Variants in ANO2 observed in about 807,000 individuals in gnomAD.
ANO2 encodes anoctamin-2.
Under a neutral mutation model 124.2 loss-of-function variants are expected in ANO2, and 101 were observed. The ratio of observed to expected loss-of-function variants is 0.81; its 90% CI spans 0.69 to 0.96. The LOEUF (loss-of-function observed/expected upper bound fraction) is 0.96. Ranked by LOEUF, ANO2 falls within the 40% of genes least tolerant of loss-of-function variation. The pLI is 0.00. For missense variants in ANO2, 1,293 were observed against 1,274.5 expected (o/e 1.01, Z -0.22); for synonymous variants, 486 against 482.5 (o/e 1.01, Z -0.09).
At chr12:5,794,197 T>A (rs1206680366) in intron 10 of ANO2, among the ~76,000 whole-genome samples, 1 of 152,182 alleles carries the variant, frequency 6.6e-6, no homozygotes, top group Non-Finnish European at 1.5e-5. Flanking sequence ...AACCCAACCA[T>A]CAAATGATAA....
At chr12:5,631,005 T>A (rs1296962681) in intron 16 of ANO2, among the ~76,000 whole-genome samples, 1 of 152,120 alleles carries the variant, frequency 6.6e-6, no homozygotes, top group Non-Finnish European at 1.5e-5. Context: ...GCAGCCCCCA[T>A]CAGTCTGGGT....
intron 1 of ANO2, among the ~76,000 whole-genome samples, chr12:5,923,064 A>C (rs1174816164): frequency 8.9e-6 from 1 of 112,118 alleles, no homozygotes; most frequent in African/African-American, 3.3e-5. Flanking sequence ...ACCCACATAC[A>C]CACACACATG....
chr12:5,907,287 TAA>T (rs1297089453), intron 3 of ANO2, among the ~76,000 whole-genome samples: 1 of 152,244 alleles, frequency 6.6e-6, no homozygotes, highest in African/African-American at 2.4e-5. Context: ...AAAATAAATT[TAA>T]GTTTCAAAAG....
intron 14 of ANO2, among the ~76,000 whole-genome samples, chr12:5,686,863 T>C (rs1216885982): frequency 8.5e-5 from 13 of 152,232 alleles, no homozygotes; most frequent in Admixed American, 8.5e-4. Context: ...ACCTTGTCAC[T>C]TAAGCCTCAA....
At chr12:5,627,540 C>T (rs765972189) in intron 16 of ANO2, among the ~76,000 whole-genome samples, 3 of 152,236 alleles carry the variant, frequency 2.0e-5, no homozygotes, top group African/African-American at 7.2e-5. Flanking sequence ...CCCCCCATCC[C>T]AGAGCACTGC....
At chr12:5,620,643 A>G (rs1027794946) in intron 16 of ANO2, among the ~76,000 whole-genome samples, 8 of 152,118 alleles carry the variant, frequency 5.3e-5, no homozygotes, top group Admixed American at 1.3e-4. Context: ...TTGGAATTCT[A>G]TAGGAGTTGA....
At chr12:5,733,965 T>G (rs1181123213) in intron 13 of ANO2, among the ~76,000 whole-genome samples, 2 of 152,266 alleles carry the variant, frequency 1.3e-5, no homozygotes, top group African/African-American at 4.8e-5. Context: ...CTCTGTATTA[T>G]TCTATGTTTT....
At chr12:5,914,668 G>T (rs537610376) in intron 3 of ANO2, among the ~76,000 whole-genome samples, 33 of 152,236 alleles carry the variant, frequency 2.2e-4, no homozygotes, top group Non-Finnish European at 3.7e-4. Flanking sequence ...TAGTAAGGGG[G>T]CACCTGGCCT....
At chr12:5,869,673 G>C (rs551660027) in intron 3 of ANO2, among the ~76,000 whole-genome samples, 1 of 152,074 alleles carries the variant, frequency 6.6e-6, no homozygotes, top group African/African-American at 2.4e-5. Flanking sequence ...CTGAGGGGCC[G>C]GGGGAAAGAA....
chr12:5,841,025 G>C (rs1301430884), intron 4 of ANO2, among the ~76,000 whole-genome samples: 1 of 152,162 alleles, frequency 6.6e-6, no homozygotes, highest in Non-Finnish European at 1.5e-5. Flanking sequence ...GCTGAAGAAG[G>C]GAGGAGCAAG....
intron 3 of ANO2, among the ~76,000 whole-genome samples, chr12:5,872,936 A>ACACATCTG (rs1417486885): frequency 6.6e-6 from 1 of 152,122 alleles, no homozygotes; most frequent in Admixed American, 6.6e-5. Context: ...GATGTGGGAA[A>ACACATCTG]CACTGCTCCC....
chr12:5,612,793 A>C, intron 18 of ANO2, 37 bp from the exon 19 acceptor site: 1 of 1,612,068 alleles, frequency 6.2e-7, no homozygotes, highest in Non-Finnish European at 8.5e-7. Context: ...CGGTTAGAAC[A>C]AAAGGGAGCT....
intron 15 of ANO2, among the ~76,000 whole-genome samples, chr12:5,643,156 C>G (rs896240073): frequency 6.6e-6 from 1 of 152,150 alleles, no homozygotes; most frequent in Non-Finnish European, 1.5e-5. Context: ...CCTTCTCCCC[C>G]GTACACATAC....
intron 10 of ANO2, among the ~76,000 whole-genome samples, chr12:5,753,176 A>T (rs1951488808): frequency 6.6e-6 from 1 of 152,194 alleles, no homozygotes; most frequent in Non-Finnish European, 1.5e-5. Flanking sequence ...AAGGGTTTCA[A>T]TATTCATCGG....
chr12:5,934,949 A>C (rs891025368), intron 1 of ANO2, among the ~76,000 whole-genome samples: 3 of 152,220 alleles, frequency 2.0e-5, no homozygotes, highest in African/African-American at 7.2e-5. Context: ...CAGCTCTTCC[A>C]ATCATAGCTC....
At chr12:5,844,853 G>GTTTGTTTGT (rs1954631055) in intron 4 of ANO2, among the ~76,000 whole-genome samples, 1 of 150,882 alleles carries the variant, frequency 6.6e-6, no homozygotes, top group Admixed American at 6.6e-5. Context: ...TTGTTTGTTT[G>GTTTGTTTGT]TTTGTTTGTT....
intron 14 of ANO2, among the ~76,000 whole-genome samples, chr12:5,678,540 G>A (rs2215735): frequency 0.5 from 76,417 of 152,058 alleles, 21,181 homozygotes; most frequent in Middle Eastern, 0.63. Context: ...GCAAAGACTG[G>A]GGACTGAGTT....
intron 15 of ANO2, among the ~76,000 whole-genome samples, chr12:5,637,438 A>T (rs1195852877): frequency 2.6e-5 from 4 of 151,920 alleles, no homozygotes; most frequent in African/African-American, 4.8e-5. Flanking sequence ...TCCTTTGTTT[A>T]GGGTCTTGTG....
chr12:5,655,265 T>C (rs1947099748), intron 14 of ANO2, among the ~76,000 whole-genome samples: 1 of 152,244 alleles, frequency 6.6e-6, no homozygotes, highest in Non-Finnish European at 1.5e-5. Context: ...TCCCTCTTGT[T>C]GACTGCCAGT....
Sources: allele counts gnomAD v4.1 joint callset (sites outside exome capture counted in the v4.1 genomes callset), GRCh38; gene constraint gnomAD v4.1.1; transcripts MANE v1.5; gene names NCBI Gene and HGNC (gene_info 2026-07-23, HGNC 2026-07-21).